The following GSE1 variants were observed in gnomAD, a reference collection of about 807,000 sequenced individuals.
GSE1 encodes the protein Gse1 coiled-coil protein.
GSE1 carries 32 observed loss-of-function variants against 112.6 expected under a neutral mutation model. The observed-to-expected ratio is 0.28, with a 90% CI of 0.21 to 0.38. The LOEUF (loss-of-function observed/expected upper bound fraction) is 0.38, where lower values mean the gene tolerates loss of function less well. Ranked by LOEUF, GSE1 falls within the 10% of genes least tolerant of loss-of-function variation. The pLI, the probability that GSE1 is intolerant of heterozygous loss-of-function variation, is 1.00. For missense variants in GSE1, 2,348 were observed against 1,699.2 expected (o/e 1.38, Z -6.71); for synonymous variants, 1,115 against 735.6 (o/e 1.52, Z -8.35).
chr16:85,371,225 G>C (rs1291198802), intron 2 of GSE1, among the ~76,000 whole-genome samples: 3 of 152,218 alleles, frequency 2.0e-5, no homozygotes, highest in East Asian at 3.9e-4. Flanking sequence ...CAGGGGCTGG[G>C]CCAGGCAGTG....
At chr16:85,268,494 G>T (rs554740899) in intron 1 of GSE1, among the ~76,000 whole-genome samples, 1 of 152,280 alleles carries the variant, frequency 6.6e-6, no homozygotes, top group South Asian at 2.1e-4. Flanking sequence ...GTGGGGAGGG[G>T]GGTTGCCAGT....
intron 15 of GSE1, chr16:85,672,155 T>G (rs1223531183): frequency 2.1e-6 from 1 of 482,054 alleles, no homozygotes; most frequent in Non-Finnish European, 4.0e-6. Flanking sequence ...TACGACACCA[T>G]GCCTGGCTAA....
intron 11 of GSE1, 76 bp from the exon 12 acceptor site, chr16:85,664,939 C>T (rs767877649): frequency 7.6e-5 from 76 of 998,538 alleles, no homozygotes; most frequent in African/African-American, 2.8e-4. Context: ...CCTCAAGGCT[C>T]GGCTAGAATC....
chr16:85,245,196 G>GCTC (rs1297666500), intron 1 of GSE1, among the ~76,000 whole-genome samples: 1 of 149,350 alleles, frequency 6.7e-6, no homozygotes, highest in Non-Finnish European at 1.5e-5. Flanking sequence ...AACACCCCTG[G>GCTC]CTCCACTCAC....
At chr16:85,555,903 T>C, upstream of GSE1, 1 of 887,026 alleles carries the variant, frequency 1.1e-6, no homozygotes, top group Non-Finnish European at 1.3e-6. Flanking sequence ...CCCCCTTTAT[T>C]TTTCTCTCGC....
At chr16:85,436,497 A>C (rs763732285) in intron 2 of GSE1, among the ~76,000 whole-genome samples, 10 of 152,234 alleles carry the variant, frequency 6.6e-5, no homozygotes, top group African/African-American at 2.4e-4. Flanking sequence ...CTCTTAGCCT[A>C]GAATGCAGGA....
intron 2 of GSE1, among the ~76,000 whole-genome samples, chr16:85,503,767 C>T (rs138710742): frequency 7.2e-5 from 11 of 152,220 alleles, no homozygotes; most frequent in East Asian, 1.9e-4. Context: ...GTAGTGTCCC[C>T]GAGACTGGTC....
At chr16:85,331,685 GTATA>G (rs1205625835) in intron 1 of GSE1, among the ~76,000 whole-genome samples, 8 of 44,260 alleles carry the variant, frequency 1.8e-4, no homozygotes, top group South Asian at 8.0e-4. Context: ...GTGTGTGTGT[GTATA>G]TATATATATA....
At chr16:85,253,082 C>A (rs969606808) in intron 1 of GSE1, among the ~76,000 whole-genome samples, 12 of 122,900 alleles carry the variant, frequency 9.8e-5, no homozygotes, top group African/African-American at 2.5e-4. Context: ...CCCCCCCCCC[C>A]ACCAGCAGGC....
intron 2 of GSE1, among the ~76,000 whole-genome samples, chr16:85,401,113 G>A (rs2048104987): frequency 6.6e-6 from 1 of 152,190 alleles, no homozygotes; most frequent in Admixed American, 6.5e-5. Context: ...CGCAGCTTGG[G>A]CTTTCTGAGG....
chr16:85,601,947 G>T (rs1051127692), intron 1 of GSE1, among the ~76,000 whole-genome samples: 1 of 152,212 alleles, frequency 6.6e-6, no homozygotes, highest in Non-Finnish European at 1.5e-5. Flanking sequence ...CTTAATGACC[G>T]GCAGTAGGTT....
At chr16:85,653,116 T>A (rs192454246) in intron 3 of GSE1, among the ~76,000 whole-genome samples, 1 of 141,640 alleles carries the variant, frequency 7.1e-6, no homozygotes, top group East Asian at 2.2e-4. Context: ...AGTGACAGAG[T>A]GACGCCTGGG....
intron 2 of GSE1, among the ~76,000 whole-genome samples, chr16:85,647,258 C>T (rs2050951507): frequency 6.6e-6 from 1 of 152,158 alleles, no homozygotes; most frequent in Non-Finnish European, 1.5e-5. Context: ...CTGCCCTGCA[C>T]CCTCCCCCTG....
intron 2 of GSE1, among the ~76,000 whole-genome samples, chr16:85,384,571 G>A (rs918029017): frequency 6.6e-6 from 1 of 152,220 alleles, no homozygotes; most frequent in Non-Finnish European, 1.5e-5. Flanking sequence ...TTCCTTTACT[G>A]TTCCTTGCCC....
intron 1 of GSE1, among the ~76,000 whole-genome samples, chr16:85,247,999 A>C (rs539723170): frequency 1.3e-5 from 2 of 152,366 alleles, no homozygotes; most frequent in Admixed American, 6.5e-5. Flanking sequence ...GGCTCAGGAC[A>C]GCTAGGGGTG....
At position 85,309,824 on chromosome 16, in the gene GSE1, G is replaced by A. The variant is rs148575451; in HGVS notation, c.2284-47639G>A. Among the ~76,000 whole-genome samples, 493 of 152,366 alleles carry A rather than the reference G, an allele frequency of 3.2e-3. 3 individuals carry two copies. The highest frequency in any genetic ancestry group is 0.011 in the African/African-American group (470 of 41,568). On this transcript the variant is annotated intron_variant, in intron 1 of 2. Coordinates refer to the GSE1 transcript ENST00000637419. Reference sequence around the variant, plus strand: ...GGGGTTTCGGGTGAAGGGTGGACGCGGCCAAGAAACATCCATTGTGCCCGC... The same window carrying A: ...GGGGTTTCGGGTGAAGGGTGGACGCAGCCAAGAAACATCCATTGTGCCCGC...
intron 1 of GSE1, among the ~76,000 whole-genome samples, chr16:85,176,193 G>C (rs928275227): frequency 1.3e-5 from 2 of 152,186 alleles, no homozygotes; most frequent in Admixed American, 6.5e-5. Context: ...TGCCCTGGCT[G>C]ATCTCCTAAG....
At chr16:85,480,916 C>T (rs1310828035) in intron 2 of GSE1, among the ~76,000 whole-genome samples, 6 of 152,244 alleles carry the variant, frequency 3.9e-5, no homozygotes, top group African/African-American at 7.2e-5. Context: ...GAGCAAGCAC[C>T]GGCGGTGCCC....
At position 85,525,101 on chromosome 16, in the gene GSE1, C is replaced by T. The variant is rs553185118; in HGVS notation, c.2465-108813C>T. 1.6e-4 allele frequency among the ~76,000 whole-genome samples: 24 copies of T among 152,318 alleles called. 1 individual carries two copies. The highest frequency in any genetic ancestry group is 1.4e-3 in the South Asian group (7 of 4,834). ...CCACGTCTGCTGGCCCGGGGGGTTT[C>T]GCCAGCCTCCTGGCCTCCACAGGGA... On this transcript the variant is annotated intron_variant, in intron 2 of 2. Coordinates refer to the GSE1 transcript ENST00000637419.
Sources: gnomAD v4.1 joint callset for allele counts (sites outside exome capture counted in the v4.1 genomes callset) on GRCh38, gnomAD v4.1.1 for gene constraint, MANE v1.5 for transcripts, NCBI Gene and HGNC (gene_info 2026-07-23, HGNC 2026-07-21) for gene names.